Variants in TRAP1 observed in about 807,000 individuals in gnomAD.
TRAP1 encodes the protein TNF receptor associated protein 1.
Under a neutral mutation model 89.1 loss-of-function variants are expected in TRAP1, and 102 were observed. The observed-to-expected ratio is 1.15, with a 90% CI of 0.98 to 1.35. TRAP1 has a LOEUF of 1.35. Among genes scored for constraint, TRAP1 ranks in the 40% most tolerant of loss-of-function variants. The probability of loss-of-function intolerance (pLI) is 0.00; values close to 1 mark genes in which losing one functional copy is unlikely to be tolerated. For missense variants in TRAP1, 1,256 were observed against 945.3 expected, an observed-to-expected ratio of 1.33 and a Z score of -4.31; for synonymous variants, 508 against 388.0, an observed-to-expected ratio of 1.31 and a Z score of -3.64.
Position 3,677,488 on chromosome 16 carries a change from C to CGTCA in TRAP1, c.704+6_704+9dup. 1.2e-6 allele frequency: 2 copies of CGTCA among 1,614,182 alleles called. No homozygotes were observed. The highest frequency in any genetic ancestry group is 1.7e-6 in the Non-Finnish European group (2 of 1,180,032). On this transcript the variant is annotated intron_variant, in intron 6 of 17. Coordinates refer to ENST00000246957, the MANE Select transcript of TRAP1 (RefSeq NM_016292.3). ...TTTGAGCTGCCTGTCAGGCGACATTCGTCACTCACCCATCTGAAAGCCACT... is the reference window on the plus strand; with the variant it reads ...TTTGAGCTGCCTGTCAGGCGACATTCGTCAGTCACTCACCCATCTGAAAGCCACT...
chr16:3,677,700 G>C, intron 5 of TRAP1, 42 bp from the exon 6 acceptor site: 1 of 1,596,846 alleles, frequency 6.3e-7, no homozygotes, highest in South Asian at 1.1e-5. Flanking sequence ...CTCCCCTCCA[G>C]AGAGCAGACA....
intron 1 of TRAP1, among the ~76,000 whole-genome samples, chr16:3,695,907 C>A (rs896773978): frequency 1.3e-5 from 2 of 152,178 alleles, no homozygotes; most frequent in African/African-American, 4.8e-5. Context: ...CAGGAATAAA[C>A]CCTGCGGGGC....
At chr16:3,665,622 T>G in intron 12 of TRAP1, 1 of 252,750 alleles carries the variant, frequency 4.0e-6, no homozygotes, top group Non-Finnish European at 7.6e-6. Context: ...GGGATCGGAG[T>G]CCTTGGCTTG....
At chr16:3,667,327 G>A (rs906925737) in intron 11 of TRAP1, among the ~76,000 whole-genome samples, 2 of 152,014 alleles carry the variant, frequency 1.3e-5, no homozygotes, top group South Asian at 2.1e-4. Flanking sequence ...ATGGGTAACC[G>A]TGCTAAGAAT....
intron 2 of TRAP1, 54 bp downstream of exon 2, chr16:3,690,773 C>T (rs975079803): frequency 1.4e-5 from 19 of 1,335,542 alleles, no homozygotes; most frequent in Admixed American, 3.0e-5. Flanking sequence ...TGCCCCTTTA[C>T]GCACAGCAGT....
chr16:3,664,041 C>T lies in TRAP1; in HGVS notation c.1569+233G>A, dbSNP rs1043318065. The T allele has an allele frequency of 4.6e-5, 22 of 475,714 alleles. No homozygotes were observed. The Middle Eastern group carries it at 5.1e-3, about 110-fold the overall frequency. The allele number at this position is 475,714 out of a possible 1,614,324, so 29.5% of individuals were successfully genotyped here. A position where few individuals can be genotyped will look rare whatever the true frequency, so the allele number is the denominator to read the frequency against. ...TCGCACCACTGCACTCTAGCCTGGG[C>T]GAGAGAGCAAGACTCCATCTCAAAA... On this transcript the variant is annotated intron_variant, in intron 13 of 17. Transcript: ENST00000246957.
intron 3 of TRAP1, 63 bp downstream of exon 3, chr16:3,688,992 A>AT: frequency 1.3e-6 from 2 of 1,499,608 alleles, no homozygotes; most frequent in Non-Finnish European, 1.8e-6. Flanking sequence ...CCAGAATGGC[A>AT]TAAAAACCAG....
chr16:3,662,354 G>A (rs958919938), intron 15 of TRAP1: 9 of 619,478 alleles, frequency 1.5e-5, no homozygotes, highest in African/African-American at 1.1e-4. Context: ...CACCACCCTG[G>A]TGCCCCGCTG....
chr16:3,699,806 T>G (rs2051340851), intron 1 of TRAP1, among the ~76,000 whole-genome samples: 1 of 151,732 alleles, frequency 6.6e-6, no homozygotes, highest in African/African-American at 2.4e-5. Flanking sequence ...CAGCTGGGAC[T>G]GCAGGTAAGC....
At chr16:3,712,285 CAAAAAAAAAAAAAAAAAA>C (rs764259574) in intron 1 of TRAP1, among the ~76,000 whole-genome samples, 22 of 32,082 alleles carry the variant, frequency 6.9e-4, no homozygotes, top group Admixed American at 2.9e-3. Flanking sequence ...GAATCTGTCT[CAAAAAAAAAAAAAAAAAA>C]AAAAAAAAAA....
At chr16:3,708,116 T>A (rs1290713369) in intron 1 of TRAP1, among the ~76,000 whole-genome samples, 1 of 151,996 alleles carries the variant, frequency 6.6e-6, no homozygotes, top group Non-Finnish European at 1.5e-5. Flanking sequence ...GAGTATCACT[T>A]GAGTCCAGGA....
At chr16:3,695,660 C>T (rs2051277317) in intron 1 of TRAP1, among the ~76,000 whole-genome samples, 1 of 152,076 alleles carries the variant, frequency 6.6e-6, no homozygotes, top group South Asian at 2.1e-4. Flanking sequence ...ATGACATCAC[C>T]ACTCTGAAAG....
Position 3,672,839 on chromosome 16 carries a change from C to T in TRAP1, c.1045-19G>A, listed in dbSNP as rs751861553. 33 of 1,607,850 alleles carry T rather than the reference C, an allele frequency of 2.1e-5. No homozygotes were observed. In the South Asian group the frequency reaches 2.2e-4, roughly 11 times the overall value. ...ACGGTTTCTGGGGGTGAGGAGAACA[C>T]GCCATCATGCAGCACTGACCCTCCC... On this transcript the variant is annotated intron_variant, in intron 9 of 17. Coordinates refer to ENST00000246957, the MANE Select transcript of TRAP1 (RefSeq NM_016292.3).
chr16:3,672,688 T>C lies in TRAP1; in HGVS notation c.1165+12A>G, dbSNP rs1482924169. ...CCACGGGGGCACTGCTCACGGACTC[T>C]GAGCAGCGTACCTCGGATGAAGCGC... On this transcript the variant is annotated intron_variant, in intron 10 of 17. Transcript: ENST00000246957. 6.2e-7 allele frequency: 1 copy of C among 1,604,040 alleles called. No individual in the cohort carries two copies. Among genetic ancestry groups the C allele is most frequent in the Non-Finnish European group, 8.5e-7 (1 of 1,176,054 alleles).
chr16:3,679,964 T>A, intron 4 of TRAP1, 174 bp from the exon 5 acceptor site: 1 of 630,594 alleles, frequency 1.6e-6, no homozygotes, highest in Non-Finnish European at 2.9e-6. Flanking sequence ...GAGTGATGGT[T>A]CATGCCTGTA....
chr16:3,691,725 CTCA>C (rs139156742), intron 1 of TRAP1, among the ~76,000 whole-genome samples: 6,151 of 152,288 alleles, frequency 0.04, 167 homozygotes, highest in Admixed American at 0.056. Context: ...CTGAAACTGT[CTCA>C]TCTTCTAAAA....
chr16:3,672,748 G>C lies in TRAP1; in HGVS notation c.1117C>G (p.Gln373Glu), dbSNP rs1178637168. 1.2e-6 allele frequency: 2 copies of C among 1,611,560 alleles called. No homozygotes were observed. The highest frequency in any genetic ancestry group is 1.7e-6 in the Non-Finnish European group (2 of 1,179,008). The change falls in exon 10 of 18, where the codon CAG becomes GAG. Residue 373 changes from glutamine to glutamate, a missense_variant. Coordinates refer to ENST00000246957, the MANE Select transcript of TRAP1 (RefSeq NM_016292.3). Reference protein sequence around the residue: ...VALYSRKVLIQTKATDILPKW... With the variant: ...VALYSRKVLIETKATDILPKW... ...GGCAGGATGTCCGTGGCCTTGGTCT[G>C]GATGAGGACTTTGCGGCTGTACAGT...
chr16:3,710,057 T>C (rs1001439788), intron 1 of TRAP1, among the ~76,000 whole-genome samples: 4 of 152,232 alleles, frequency 2.6e-5, no homozygotes, highest in African/African-American at 9.6e-5. Flanking sequence ...TTCTTGAGGT[T>C]TCCTGTGTTC....
chr16:3,672,652 G>A lies in TRAP1; in HGVS notation c.1165+48C>T, dbSNP rs1307677876. Reference sequence around the variant, plus strand: ...GCACGGTCCCTCACAGATGCAGCGGGCGACACTGGGCCACGGGGGCACTGC... The same window carrying A: ...GCACGGTCCCTCACAGATGCAGCGGACGACACTGGGCCACGGGGGCACTGC... On this transcript the variant is annotated intron_variant, in intron 10 of 17. Coordinates refer to ENST00000246957, the MANE Select transcript of TRAP1 (RefSeq NM_016292.3). The A allele has an allele frequency of 3.8e-6, 6 of 1,570,596 alleles. No homozygotes were observed. In the Admixed American group the frequency reaches 5.4e-5, roughly 14 times the overall value.
Sources: gnomAD v4.1 joint callset for allele counts (sites outside exome capture counted in the v4.1 genomes callset) on GRCh38, gnomAD v4.1.1 for gene constraint, MANE v1.5 for transcripts, NCBI Gene and HGNC (gene_info 2026-07-23, HGNC 2026-07-21) for gene names.